Variants in CEP85L observed in about 807,000 individuals in gnomAD.
CEP85L encodes centrosomal protein of 85 kDa-like.
In CEP85L, 60 loss-of-function variants were observed where a neutral mutation model predicts 100.3. The ratio of observed to expected loss-of-function variants is 0.60; its 90% confidence interval spans 0.49 to 0.74. CEP85L has a LOEUF of 0.74. CEP85L is among the 30% of genes least tolerant of loss of function. CEP85L has a pLI of 0.00. For missense variants in CEP85L, 973 were observed against 936.2 expected (o/e 1.04, Z -0.51); for synonymous variants, 319 against 322.7 (o/e 0.99, Z 0.12).
chr6:118,699,021 C>T (rs1777309193), intron 1 of CEP85L, among the ~76,000 whole-genome samples: 1 of 151,914 alleles, frequency 6.6e-6, no homozygotes, highest in Non-Finnish European at 1.5e-5. Flanking sequence ...ATAATCCTAG[C>T]GAGGGTTCAG....
chr6:118,500,222 G>C (rs1372437465), intron 5 of CEP85L, among the ~76,000 whole-genome samples: 2 of 151,992 alleles, frequency 1.3e-5, no homozygotes, highest in African/African-American at 2.4e-5. Flanking sequence ...CAGAAGGATT[G>C]CTTGAGCCCA....
At chr6:118,546,708 T>C (rs1006944960) in intron 3 of CEP85L, among the ~76,000 whole-genome samples, 1 of 152,142 alleles carries the variant, frequency 6.6e-6, no homozygotes, top group Non-Finnish European at 1.5e-5. Context: ...CTCTGACAAA[T>C]TACTGTAAAC....
intron 3 of CEP85L, chr6:118,560,497 G>A (rs111416751): frequency 0.027 from 4,544 of 166,990 alleles, 104 homozygotes; most frequent in African/African-American, 0.056. Context: ...AAGAGAAGGC[G>A]TTGGTCTTGC....
At chr6:118,665,093 G>T (rs1233882675) in intron 1 of CEP85L, among the ~76,000 whole-genome samples, 1 of 152,034 alleles carries the variant, frequency 6.6e-6, no homozygotes, top group African/African-American at 2.4e-5. Flanking sequence ...CTTTCTTTGT[G>T]CAGAGAGGAG....
intron 2 of CEP85L, among the ~76,000 whole-genome samples, chr6:118,574,694 G>A (rs1016436108): frequency 1.7e-4 from 26 of 152,290 alleles, no homozygotes; most frequent in Non-Finnish European, 3.1e-4. Context: ...ATACCACGGC[G>A]ACAAGGTAAC....
Position 118,489,994 on chromosome 6 carries a change from C to T in CEP85L, c.1437+1692G>A, listed in dbSNP as rs544361326. ...GTGTGTGTATATATATACACACACA[C>T]ACGCACACACACACACAAAATGGAA... On this transcript the variant is annotated intron_variant, in intron 6 of 12. Coordinates refer to ENST00000368491, the MANE Select transcript of CEP85L (RefSeq NM_001042475.3). 2.9e-4 allele frequency among the ~76,000 whole-genome samples: 44 copies of T among 151,912 alleles called. 1 individual carries two copies. Among genetic ancestry groups the T allele is most frequent in the Admixed American group, 9.2e-4 (14 of 15,262 alleles).
intron 1 of CEP85L, among the ~76,000 whole-genome samples, chr6:118,693,568 T>C (rs1777112344): frequency 6.6e-6 from 1 of 152,220 alleles, no homozygotes; most frequent in Admixed American, 6.5e-5. Context: ...ACAAATGGAC[T>C]CTGCCTGATA....
intron 2 of CEP85L, among the ~76,000 whole-genome samples, chr6:118,585,515 G>A (rs972436204): frequency 1.3e-5 from 2 of 152,266 alleles, no homozygotes; most frequent in Non-Finnish European, 2.9e-5. Context: ...AAGGCTCCAT[G>A]AGAGAAATTA....
chr6:118,586,493 AC>A (rs1288682125), intron 2 of CEP85L, among the ~76,000 whole-genome samples: 12 of 151,980 alleles, frequency 7.9e-5, no homozygotes, highest in African/African-American at 2.9e-4. Flanking sequence ...CCTAAGCCCA[AC>A]CTAGGAAGGG....
chr6:118,476,220 C>T (rs537139730), intron 10 of CEP85L, among the ~76,000 whole-genome samples: 5 of 151,622 alleles, frequency 3.3e-5, no homozygotes, highest in Non-Finnish European at 7.4e-5. Context: ...AACATGCATA[C>T]AACAGATCTA....
At chr6:118,548,423 T>C (rs1778338528) in intron 3 of CEP85L, 1 of 152,152 alleles carries the variant, frequency 6.6e-6, no homozygotes, top group African/African-American at 2.4e-5. Context: ...ACTTTGGTAA[T>C]TCTTACTTTC....
intron 4 of CEP85L, among the ~76,000 whole-genome samples, chr6:118,523,374 C>T (rs1252533872): frequency 6.6e-6 from 1 of 152,154 alleles, no homozygotes; most frequent in Non-Finnish European, 1.5e-5. Context: ...TCATTTTACA[C>T]ATTCGTCATT....
chr6:118,514,880 C>A (rs1582952547), intron 4 of CEP85L, among the ~76,000 whole-genome samples: 1 of 151,876 alleles, frequency 6.6e-6, no homozygotes, highest in East Asian at 1.9e-4. Flanking sequence ...TTAGAGCTCA[C>A]TACAGCCTTG....
At chr6:118,582,929 A>T (rs1447661412) in intron 2 of CEP85L, among the ~76,000 whole-genome samples, 1 of 152,208 alleles carries the variant, frequency 6.6e-6, no homozygotes, top group Non-Finnish European at 1.5e-5. Flanking sequence ...GGCCCAAGAA[A>T]AGGAAAGGAA....
At chr6:118,480,706 A>T (rs1773716196) in intron 8 of CEP85L, among the ~76,000 whole-genome samples, 193 bp from the exon 9 acceptor site, 1 of 152,182 alleles carries the variant, frequency 6.6e-6, no homozygotes, top group East Asian at 1.9e-4. Flanking sequence ...AGTTAGCTAG[A>T]GGCTGATCAT....
At chr6:118,704,987 A>C (rs1777551180) in intron 1 of CEP85L, among the ~76,000 whole-genome samples, 1 of 150,582 alleles carries the variant, frequency 6.6e-6, no homozygotes. Flanking sequence ...TTTATTTTTC[A>C]CCCCTTCTTA....
chr6:118,580,360 C>T (rs2115071333), intron 2 of CEP85L, among the ~76,000 whole-genome samples: 1 of 152,294 alleles, frequency 6.6e-6, no homozygotes, highest in South Asian at 2.1e-4. Flanking sequence ...ATCCGAGGTA[C>T]AACATTCACT....
At chr6:118,692,182 G>A (rs1485945805) in intron 1 of CEP85L, among the ~76,000 whole-genome samples, 2 of 152,122 alleles carry the variant, frequency 1.3e-5, no homozygotes, top group African/African-American at 2.4e-5. Flanking sequence ...AAGAAAGGAA[G>A]GAAAGAGCCC....
At chr6:118,553,139 G>A (rs1336554937) in intron 3 of CEP85L, among the ~76,000 whole-genome samples, 1 of 148,968 alleles carries the variant, frequency 6.7e-6, no homozygotes, top group Non-Finnish European at 1.5e-5. Flanking sequence ...CAGATAACAT[G>A]AAAATAAAAC....
Sources: gnomAD v4.1 joint callset for allele counts (sites outside exome capture counted in the v4.1 genomes callset) on GRCh38, gnomAD v4.1.1 for gene constraint, MANE v1.5 for transcripts, NCBI Gene and HGNC (gene_info 2026-07-23, HGNC 2026-07-21) for gene names.